Variants in NREP observed in about 807,000 individuals in gnomAD.
NREP encodes the protein neuronal regeneration-related protein.
A neutral mutation model predicts 8.6 loss-of-function variants in NREP; 5 were observed. That is an observed-to-expected ratio of 0.58 (90% confidence interval 0.30 to 1.22). The LOEUF is 1.22. Ranked by LOEUF, NREP falls within the 50% of genes most tolerant of loss-of-function variation. The probability of loss-of-function intolerance (pLI) is 0.07; values close to 1 mark genes in which losing one functional copy is unlikely to be tolerated. For synonymous variants in NREP, 27 were observed against 28.0 expected, an observed-to-expected ratio of 0.96 and a Z score of 0.11; for missense variants, 86 against 82.5, an observed-to-expected ratio of 1.04 and a Z score of -0.17.
chr5:111,902,155 C>T (rs1362909887), intron 2 of NREP, among the ~76,000 whole-genome samples: 1 of 151,938 alleles, frequency 6.6e-6, no homozygotes, highest in African/African-American at 2.4e-5. Flanking sequence ...ATATTTTCAG[C>T]CAACTGATTT....
chr5:111,960,670 G>A (rs1201915184), intron 2 of NREP, among the ~76,000 whole-genome samples: 2 of 152,222 alleles, frequency 1.3e-5, no homozygotes, highest in Non-Finnish European at 2.9e-5. Flanking sequence ...CACTGGAGCA[G>A]TTGTGACAAA....
rs188650758 is a variant in NREP, at chr5:111,917,644, G to A, written c.135+57630C>T. Among the ~76,000 whole-genome samples, 4 of 152,202 alleles carry A rather than the reference G, an allele frequency of 2.6e-5. No homozygotes were observed. The East Asian group carries it at 5.8e-4, about 22-fold the overall frequency. On this transcript the variant is annotated intron_variant, in intron 2 of 3. Transcript: ENST00000395634. ...CTCCATAGATGCAGAAAAGGCCTTC[G>A]ATAAAATCCAGCACTCCTTCATGCT... is the stretch of plus-strand genomic sequence containing the variant.
At chr5:111,762,459 A>G (rs1277709400), upstream of NREP, among the ~76,000 whole-genome samples, 1 of 144,438 alleles carries the variant, frequency 6.9e-6, no homozygotes, top group African/African-American at 2.6e-5. Context: ...CCCCCCACAC[A>G]CCACCCCCAA....
intron 2 of NREP, among the ~76,000 whole-genome samples, chr5:111,873,249 G>A (rs1753829351): frequency 6.6e-6 from 1 of 152,130 alleles, no homozygotes; most frequent in African/African-American, 2.4e-5. Flanking sequence ...GTGGTCATCA[G>A]AAAGGACACA....
At chr5:111,944,172 C>T (rs1203348284) in intron 2 of NREP, among the ~76,000 whole-genome samples, 1 of 152,042 alleles carries the variant, frequency 6.6e-6, no homozygotes, top group Admixed American at 6.6e-5. Context: ...ATTGCTGTAA[C>T]ATTTGAGACC....
chr5:111,963,440 G>GT (rs1259975431), intron 2 of NREP, among the ~76,000 whole-genome samples: 2 of 152,162 alleles, frequency 1.3e-5, no homozygotes, highest in Admixed American at 6.5e-5. Flanking sequence ...CAAAAAATAT[G>GT]TTTTTTAACT....
intron 2 of NREP, among the ~76,000 whole-genome samples, chr5:111,779,450 G>C (rs1751441239): frequency 6.6e-6 from 1 of 152,124 alleles, no homozygotes; most frequent in South Asian, 2.1e-4. Context: ...ATTGCCCCAG[G>C]AAAACAATCT....
At chr5:111,781,395 C>T (rs994530418) in intron 2 of NREP, among the ~76,000 whole-genome samples, 17 of 152,150 alleles carry the variant, frequency 1.1e-4, no homozygotes, top group African/African-American at 4.1e-4. Context: ...GACCAGCAGC[C>T]CCAGATGGGC....
At chr5:111,787,095 T>C (rs1751630177) in intron 2 of NREP, among the ~76,000 whole-genome samples, 1 of 152,134 alleles carries the variant, frequency 6.6e-6, no homozygotes, top group Non-Finnish European at 1.5e-5. Context: ...ACTCTTAACT[T>C]AGGAAATGTC....
rs540828422 is a variant in NREP, at chr5:111,971,011, G to A, written c.135+4263C>T. Among the ~76,000 whole-genome samples the A allele has an allele frequency of 7.2e-5, 11 of 152,114 alleles. No homozygotes were observed. In the South Asian group the frequency reaches 1.0e-3, roughly 14 times the overall value. On this transcript the variant is annotated intron_variant, in intron 2 of 3. Coordinates refer to the NREP transcript ENST00000395634. ...CCAAGGCAGCATCCTTAGGTGTTCC[G>A]ATGTGATGTTGACAGGGAGAAACCA...
rs571881199 is a variant in NREP at position 111,882,354 on chromosome 5, T to C, written c.135+92920A>G. Among the ~76,000 whole-genome samples the C allele has an allele frequency of 9.8e-5, 15 of 152,326 alleles. 1 individual carries two copies. Among genetic ancestry groups the C allele is most frequent in the Admixed American group, 3.9e-4 (6 of 15,306 alleles). ...GTGAAAAGACTGAATCTACGTCTGATTGGTGTACCTGAAAGTGACGGGGAG... is the reference window on the plus strand; with the variant it reads ...GTGAAAAGACTGAATCTACGTCTGACTGGTGTACCTGAAAGTGACGGGGAG... On this transcript the variant is annotated intron_variant, in intron 2 of 3. Transcript: ENST00000395634.
intron 2 of NREP, among the ~76,000 whole-genome samples, chr5:111,963,109 C>A (rs1756525741): frequency 1.3e-5 from 2 of 152,280 alleles, no homozygotes; most frequent in African/African-American, 4.8e-5. Context: ...TAACACATGG[C>A]TGTCCACAGA....
chr5:111,894,215 T>C (rs1267172193), intron 2 of NREP, among the ~76,000 whole-genome samples: 1 of 152,016 alleles, frequency 6.6e-6, no homozygotes, highest in Non-Finnish European at 1.5e-5. Flanking sequence ...CAAAACTCCG[T>C]CTCAAATAAA....
intron 2 of NREP, among the ~76,000 whole-genome samples, chr5:111,751,066 T>C (rs529468527): frequency 3.9e-5 from 6 of 152,344 alleles, no homozygotes; most frequent in Admixed American, 3.9e-4. Flanking sequence ...GATTAAATCA[T>C]TAAGAATGAA....
Sources: gnomAD v4.1 joint callset for allele counts (sites outside exome capture counted in the v4.1 genomes callset) on GRCh38, gnomAD v4.1.1 for gene constraint, MANE v1.5 for transcripts, NCBI Gene and HGNC (gene_info 2026-07-23, HGNC 2026-07-21) for gene names.